ELF1: variants seen among roughly 807,000 people sequenced by gnomAD.
The protein encoded by ELF1 is ETS-related transcription factor Elf-1.
ELF1 carries 24 observed loss-of-function variants against 59.9 expected under a neutral mutation model. The observed-to-expected ratio is 0.40, with a 90% confidence interval of 0.29 to 0.56. The LOEUF (loss-of-function observed/expected upper bound fraction) is 0.56. Ranked by LOEUF, ELF1 falls within the 20% of genes least tolerant of loss-of-function variation. The probability of loss-of-function intolerance (pLI) is 0.44; values close to 1 mark genes in which losing one functional copy is unlikely to be tolerated. For synonymous variants in ELF1, 248 were observed against 266.2 expected (o/e 0.93, Z 0.67); for missense variants, 627 against 742.2 (o/e 0.84, Z 1.80).
intron 8 of ELF1, among the ~76,000 whole-genome samples, chr13:40,936,768 AAAAAAAAAAGAAAAAAAAG>A (rs1269027454): frequency 6.7e-6 from 1 of 150,202 alleles, no homozygotes; most frequent in Admixed American, 6.6e-5. Context: ...CTCAAAAAAA[AAAAAAAAAAGAAAAAAAAG>A]AAAAAAAAAA....
chr13:40,979,523 C>A (rs1873134007), intron 2 of ELF1, among the ~76,000 whole-genome samples: 2 of 152,292 alleles, frequency 1.3e-5, no homozygotes, highest in East Asian at 1.9e-4. Context: ...GCCTTCCAAA[C>A]AAGGATGTTC....
At position 40,933,587 on chromosome 13, in the gene ELF1, T is replaced by G. The variant is rs778348775; in HGVS notation, c.1698A>C (p.Thr566=). Reference sequence around the variant, plus strand: ...CAGATTCCTTTTTCTCTACTTCCTGTGTAAGAGTTTTTGTTTCTTGAGTTT... The same window carrying G: ...CAGATTCCTTTTTCTCTACTTCCTGGGTAAGAGTTTTTGTTTCTTGAGTTT... ...VIKTQETKTL[T]QEVEKKESED... Residue 566 remains threonine (T), a synonymous_variant, in exon 9 of 9, where the codon ACA becomes ACC. Coordinates refer to ENST00000239882, the MANE Select transcript of ELF1 (RefSeq NM_172373.4). 25 of 1,614,218 alleles carry G rather than the reference T, an allele frequency of 1.5e-5. No individual in the cohort carries two copies. The highest frequency in any genetic ancestry group is 2.0e-5 in the Non-Finnish European group (24 of 1,180,040).
At chr13:41,000,738 T>C (rs1874385535) in intron 1 of ELF1, among the ~76,000 whole-genome samples, 1 of 152,180 alleles carries the variant, frequency 6.6e-6, no homozygotes. Flanking sequence ...ATAAGTTCTT[T>C]ATGGTTTACA....
chr13:41,016,406 A>C (rs931137206), intron 1 of ELF1, among the ~76,000 whole-genome samples: 1 of 152,180 alleles, frequency 6.6e-6, no homozygotes, highest in African/African-American at 2.4e-5. Flanking sequence ...TTTTGTATAT[A>C]CCAAACAATT....
upstream of ELF1, among the ~76,000 whole-genome samples, chr13:41,023,185 A>C (rs1875754998): frequency 6.6e-6 from 1 of 152,206 alleles, no homozygotes; most frequent in Non-Finnish European, 1.5e-5. Flanking sequence ...TATTTCCTCC[A>C]CCAAAACAGA....
rs1360671738 is a variant in ELF1, at chr13:41,032,404, G to A, written c.-229+28434C>T. Among the ~76,000 whole-genome samples the A allele has an allele frequency of 2.0e-5, 3 of 151,880 alleles. No individual in the cohort carries two copies. The East Asian group carries it at 5.8e-4, about 29-fold the overall frequency. On this transcript the variant is annotated intron_variant, in intron 1 of 1. Coordinates refer to the ELF1 transcript ENST00000405737. ...AGCTAATTTTTGTATTTTTAGTAGC[G>A]ACAGGGTTTTACCATGTTGGCCAGG...
intron 2 of ELF1, among the ~76,000 whole-genome samples, chr13:40,975,486 A>C (rs1249356763): frequency 6.6e-6 from 1 of 152,250 alleles, no homozygotes; most frequent in African/African-American, 2.4e-5. Flanking sequence ...ACTGTCATTT[A>C]ACACATTTTA....
At chr13:40,967,641 G>A (rs941083943) in intron 2 of ELF1, among the ~76,000 whole-genome samples, 1 of 152,142 alleles carries the variant, frequency 6.6e-6, no homozygotes, top group Non-Finnish European at 1.5e-5. Flanking sequence ...CGCCTCGCTG[G>A]AGTGCAGTGG....
intron 1 of ELF1, among the ~76,000 whole-genome samples, chr13:40,994,463 T>G (rs1375138503): frequency 6.6e-6 from 1 of 152,044 alleles, no homozygotes; most frequent in Non-Finnish European, 1.5e-5. Context: ...GCCTACATGG[T>G]GAAACCTCGT....
At chr13:41,039,170 T>C (rs1406600802) in intron 1 of ELF1, among the ~76,000 whole-genome samples, 3 of 151,736 alleles carry the variant, frequency 2.0e-5, no homozygotes, top group Non-Finnish European at 4.4e-5. Context: ...AAGGCCGAGG[T>C]AGGTGGATCG....
Position 40,943,033 on chromosome 13 carries a change from T to C in ELF1, c.725A>G (p.Asp242Gly). ...QREKGIFKLV[D>G]SKAVSRLWGK... ...CCACAACCTGGACACTGCTTTAGAA[T>C]CCACCAATTTAAAAATGCCTTTCTC... Residue 242 changes from aspartate (D) to glycine (G), a missense_variant, in exon 7 of 9, where the codon GAT becomes GGT. By Grantham distance (94) the Asp-to-Gly change is moderately conservative. Around this residue, in one of 3 missense-constraint regions of ELF1, gnomAD observed 34 missense variants for 76.8 expected, o/e 0.44. Coordinates refer to ENST00000239882, the MANE Select transcript of ELF1 (RefSeq NM_172373.4). The C allele has an allele frequency of 6.2e-7, 1 of 1,613,388 alleles. No homozygotes were observed. Among genetic ancestry groups the C allele is most frequent in the East Asian group, 2.2e-5 (1 of 44,878 alleles).
intron 2 of ELF1, among the ~76,000 whole-genome samples, chr13:40,981,151 T>C (rs536594927): frequency 6.6e-6 from 1 of 152,174 alleles, no homozygotes; most frequent in Non-Finnish European, 1.5e-5. Flanking sequence ...GCATTAGGCT[T>C]ATTTCAGTGA....
intron 1 of ELF1, among the ~76,000 whole-genome samples, chr13:41,005,518 G>A (rs1272128439): frequency 2.1e-5 from 3 of 140,666 alleles, no homozygotes; most frequent in Non-Finnish European, 4.6e-5. Flanking sequence ...TATCAACAAA[G>A]CAGGACTGAT....
At chr13:40,978,186 T>C (rs1873034038) in intron 2 of ELF1, among the ~76,000 whole-genome samples, 1 of 152,088 alleles carries the variant, frequency 6.6e-6, no homozygotes, top group African/African-American at 2.4e-5. Flanking sequence ...GAGACCATCC[T>C]GGGCAACATG....
At chr13:41,000,325 A>G (rs1195254502) in intron 1 of ELF1, among the ~76,000 whole-genome samples, 1 of 127,804 alleles carries the variant, frequency 7.8e-6, no homozygotes, top group African/African-American at 3.0e-5. Context: ...ATCTCCAGCA[A>G]TTCTCCCGCT....
At chr13:41,058,523 A>G (rs1316269836) in intron 1 of ELF1, among the ~76,000 whole-genome samples, 1 of 152,246 alleles carries the variant, frequency 6.6e-6, no homozygotes, top group Non-Finnish European at 1.5e-5. Flanking sequence ...CAACTACACG[A>G]AAGATAAATC....
chr13:40,960,330 C>T (rs906108365), intron 2 of ELF1, among the ~76,000 whole-genome samples: 2 of 152,054 alleles, frequency 1.3e-5, no homozygotes, highest in Non-Finnish European at 2.9e-5. Context: ...TTCTTAATAA[C>T]TCCTTTAACC....
intron 2 of ELF1, among the ~76,000 whole-genome samples, chr13:40,968,928 C>T (rs1403049333): frequency 1.3e-5 from 2 of 152,110 alleles, no homozygotes; most frequent in African/African-American, 2.4e-5. Context: ...TCATGTTGCC[C>T]AGGCTGGTCT....
intron 2 of ELF1, among the ~76,000 whole-genome samples, chr13:40,978,041 A>G (rs1324869285): frequency 6.6e-6 from 1 of 152,242 alleles, no homozygotes; most frequent in Non-Finnish European, 1.5e-5. Context: ...TCATACAAAA[A>G]TAAACTGCAG....
Sources: gnomAD v4.1 joint callset for allele counts (sites outside exome capture counted in the v4.1 genomes callset) on GRCh38, gnomAD v4.1.1 for gene constraint, gnomAD v4.1.1 regional missense constraint, MANE v1.5 for transcripts, NCBI Gene and HGNC (gene_info 2026-07-23, HGNC 2026-07-21) for gene names.